The following INSR variants were observed in gnomAD, a reference collection of about 807,000 sequenced individuals.
INSR encodes the protein IR.
INSR carries 67 observed loss-of-function variants against 142.6 expected under a neutral mutation model. The ratio of observed to expected loss-of-function variants is 0.47; its 90% CI spans 0.39 to 0.58. The LOEUF is 0.58. Ranked by LOEUF, INSR falls within the 20% of genes least tolerant of loss-of-function variation. The pLI is 0.00. For missense variants in INSR, 1,248 were observed against 1,833.2 expected, an observed-to-expected ratio of 0.68 and a Z score of 5.83; for synonymous variants, 756 against 743.1, an observed-to-expected ratio of 1.02 and a Z score of -0.28.
intron 2 of INSR, among the ~76,000 whole-genome samples, chr19:7,263,274 A>G (rs980685917): frequency 4.0e-5 from 6 of 151,370 alleles, no homozygotes; most frequent in Admixed American, 1.3e-4. Context: ...GCAAGACTCC[A>G]TCTCAAAAAA....
intron 1 of INSR, among the ~76,000 whole-genome samples, chr19:7,281,296 A>G (rs1343099774): frequency 6.6e-6 from 1 of 151,954 alleles, no homozygotes; most frequent in African/African-American, 2.4e-5. Flanking sequence ...GCAAGGAAAC[A>G]ACAAGATACA....
At chr19:7,270,016 G>A (rs561503971) in intron 1 of INSR, among the ~76,000 whole-genome samples, 87 of 152,212 alleles carry the variant, frequency 5.7e-4, no homozygotes, top group Admixed American at 2.8e-3. Flanking sequence ...AGGCTGAAGT[G>A]CAGTGCCGTG....
At chr19:7,264,095 G>A (rs957804215) in intron 2 of INSR, among the ~76,000 whole-genome samples, 1 of 151,876 alleles carries the variant, frequency 6.6e-6, no homozygotes, top group African/African-American at 2.4e-5. Flanking sequence ...CTTGAAGCCA[G>A]GAGGCAGAAA....
chr19:7,135,536 G>T (rs1972900495), intron 13 of INSR, among the ~76,000 whole-genome samples: 2 of 151,230 alleles, frequency 1.3e-5, no homozygotes, highest in Non-Finnish European at 2.9e-5. Context: ...AATTATCTGG[G>T]CATGGTGGCG....
At chr19:7,189,640 T>C (rs1303180747) in intron 2 of INSR, among the ~76,000 whole-genome samples, 1 of 151,940 alleles carries the variant, frequency 6.6e-6, no homozygotes, top group Non-Finnish European at 1.5e-5. Flanking sequence ...TAGTTAAATG[T>C]ACCTGTAATT....
At chr19:7,202,155 GTGCGAC>G (rs1309902394) in intron 2 of INSR, among the ~76,000 whole-genome samples, 2 of 152,132 alleles carry the variant, frequency 1.3e-5, no homozygotes, top group African/African-American at 2.4e-5. Context: ...AACTTGGCTC[GTGCGAC>G]TGAGAAAATG....
rs561998449 is a variant in INSR, at chr19:7,230,816, A to T, written c.652+36529T>A. On this transcript the variant is annotated intron_variant, in intron 2 of 21. Transcript: ENST00000302850. ...GTGAGACTCCATCTCAAAAATAAAAAAAAAATAAAAAATATTAGCTCAAGG... is the reference window on the plus strand; with the variant it reads ...GTGAGACTCCATCTCAAAAATAAAATAAAAATAAAAAATATTAGCTCAAGG... Among the ~76,000 whole-genome samples the T allele has an allele frequency of 1.6e-3, 244 of 151,710 alleles. 2 individuals carry two copies. Among genetic ancestry groups the T allele is most frequent in the Non-Finnish European group, 2.9e-3 (199 of 67,908 alleles).
Position 7,263,270 on chromosome 19 carries a change from C to T in INSR, c.652+4075G>A, listed in dbSNP as rs540813944. ...CCCCAGCCTAGGTGGCAGAGCAAGA[C>T]TCCATCTCAAAAAAAAAAAAAGTTA... On this transcript the variant is annotated intron_variant, in intron 2 of 21. Coordinates refer to ENST00000302850, the MANE Select transcript of INSR (RefSeq NM_000208.4). Among the ~76,000 whole-genome samples the T allele has an allele frequency of 2.0e-5, 3 of 150,978 alleles. No homozygotes were observed. In the South Asian group the frequency reaches 6.2e-4, roughly 31 times the overall value.
At chr19:7,173,873 C>T (rs1008366763) in intron 4 of INSR, among the ~76,000 whole-genome samples, 5 of 152,124 alleles carry the variant, frequency 3.3e-5, no homozygotes, top group South Asian at 2.1e-4. Context: ...CCACCTGCCT[C>T]GGCCTCCCAA....
rs749951195 is a variant in INSR at position 7,122,902 on chromosome 19, G to A, written c.3346C>T (p.Arg1116Cys). ...MAHGDLKSYL[R>C]SLRPEAENNP... ...ACCTCAGCCTCTGGCCGCAGAGAAC[G>A]GAGGTAGCTCTTCAGGTCTCCGTGA... is the stretch of plus-strand genomic sequence containing the variant. Residue 1116 changes from arginine to cysteine, a missense_variant, in exon 18 of 22, where the codon CGT (arginine) becomes TGT (cysteine). Around this residue, in one of 3 missense-constraint regions of INSR, gnomAD observed 1,069 missense variants for 1,654.0 expected, o/e 0.65. Coordinates refer to ENST00000302850, the MANE Select transcript of INSR (RefSeq NM_000208.4). The A allele has an allele frequency of 1.9e-6, 3 of 1,608,406 alleles. No homozygotes were observed. The highest frequency in any genetic ancestry group is 1.1e-5 in the South Asian group (1 of 90,272).
At chr19:7,197,546 TCA>T (rs1974794523) in intron 2 of INSR, among the ~76,000 whole-genome samples, 7 of 113,862 alleles carry the variant, frequency 6.1e-5, no homozygotes, top group Non-Finnish European at 9.1e-5. Flanking sequence ...TGTGTGTGTG[TCA>T]GGTTCCAGAG....
chr19:7,240,369 A>T (rs994889673), intron 2 of INSR, among the ~76,000 whole-genome samples: 1 of 152,144 alleles, frequency 6.6e-6, no homozygotes, highest in Non-Finnish European at 1.5e-5. Flanking sequence ...GATTACCTGA[A>T]GTCGGGAGTT....
At chr19:7,218,003 TC>T (rs2145090961) in intron 2 of INSR, among the ~76,000 whole-genome samples, 1 of 151,932 alleles carries the variant, frequency 6.6e-6, no homozygotes, top group South Asian at 2.1e-4. Context: ...CTCAGGAGAG[TC>T]CCCAGAGCTG....
rs199750451 is a variant in INSR, at chr19:7,184,661, G to GAGAGAGAGAGAGAGAGAGA, written c.653-25_653-24insTCTCTCTCTCTCTCTCTCT. ...AACTGGAGAGAGAGAGAGAGAGAGA[G>GAGAGAGAGAGAGAGAGAGA]GGAAATAAATAAATAAATAAATAAA... On this transcript the variant is annotated intron_variant, in intron 2 of 21. Coordinates refer to ENST00000302850, the MANE Select transcript of INSR (RefSeq NM_000208.4). 65 of 1,294,378 alleles carry GAGAGAGAGAGAGAGAGAGA rather than the reference G, an allele frequency of 5.0e-5. No homozygotes were observed. In the African/African-American group the frequency reaches 7.3e-4, roughly 15 times the overall value. 80.2% of individuals were successfully genotyped at this position (1,294,378 alleles called of 1,614,324 possible).
chr19:7,242,734 C>CCAAAAAA (rs769179712), intron 2 of INSR, among the ~76,000 whole-genome samples: 1 of 92,154 alleles, frequency 1.1e-5, no homozygotes, highest in African/African-American at 5.0e-5. Flanking sequence ...GAGACTGCCT[C>CCAAAAAA]AAAAAAAAAA....
intron 2 of INSR, among the ~76,000 whole-genome samples, chr19:7,230,819 A>T (rs944172940): frequency 2.6e-5 from 4 of 151,536 alleles, no homozygotes; most frequent in African/African-American, 9.7e-5. Flanking sequence ...AATAAAAAAA[A>T]AATAAAAAAT....
chr19:7,118,278 G>C (rs1972386676), intron 21 of INSR, among the ~76,000 whole-genome samples: 1 of 151,744 alleles, frequency 6.6e-6, no homozygotes, highest in South Asian at 2.1e-4. Context: ...TATATTTGGA[G>C]GGGGGAATAT....
In INSR at chr19:7,163,198, G is replaced by A; in HGVS notation, c.1863C>T (p.Asn621=). ...DIIYVQTDAT[N]PSVPLDPISV... The stretch of plus-strand genomic sequence containing the variant: ...AGATTGGATCCAGGGGCACAGAGGG[G>A]TCTGTCAGGGAGAAAGGAAATGGGT... Residue 621 remains asparagine, a splice_region_variant and synonymous_variant, in exon 9 of 22, where the codon AAC becomes AAT. Coordinates refer to ENST00000302850, the MANE Select transcript of INSR (RefSeq NM_000208.4). 1 of 1,612,556 alleles carries A rather than the reference G, an allele frequency of 6.2e-7. No individual in the cohort carries two copies. Among genetic ancestry groups the A allele is most frequent in the Non-Finnish European group, 8.5e-7 (1 of 1,178,866 alleles).
chr19:7,153,411 TCA>T (rs368199484), intron 9 of INSR, among the ~76,000 whole-genome samples: 233 of 6,468 alleles, frequency 0.036, 1 homozygote, highest in African/African-American at 0.095. Flanking sequence ...CATACACACT[TCA>T]CACACACCAC....
Sources: allele counts gnomAD v4.1 joint callset (sites outside exome capture counted in the v4.1 genomes callset), GRCh38; gene constraint gnomAD v4.1.1; regional missense constraint gnomAD v4.1.1; transcripts MANE v1.5; gene names NCBI Gene and HGNC (gene_info 2026-07-23, HGNC 2026-07-21).